The following ABCA13 variants were observed in gnomAD, a reference collection of about 807,000 sequenced individuals.
ABCA13 encodes ATP-binding cassette sub-family A member 13.
ABCA13 carries 476 observed loss-of-function variants against 478.7 expected under a neutral mutation model. That is an observed-to-expected ratio of 0.99 (90% CI 0.92 to 1.07). The LOEUF is 1.07. Ranked by LOEUF, ABCA13 falls within the 50% of genes least tolerant of loss-of-function variation. The pLI, the probability that ABCA13 is intolerant of heterozygous loss-of-function variation, is 0.00. For missense variants in ABCA13, 6,060 were observed against 5,910.6 expected, an observed-to-expected ratio of 1.03 and a Z score of -0.83; for synonymous variants, 2,252 against 2,158.9, an observed-to-expected ratio of 1.04 and a Z score of -1.20.
chr7:48,298,498 G>A lies in ABCA13; in HGVS notation c.9321+11G>A, dbSNP rs778029737. 1.0e-5 allele frequency: 16 copies of A among 1,606,586 alleles called. No homozygotes were observed. The highest frequency in any genetic ancestry group is 1.1e-5 in the Non-Finnish European group (13 of 1,176,998). ...ATTTCCCACTCCAAGGTGTGGTGCT[G>A]TTTCTTGTCTGTCTGTTTTGCTCAT... On this transcript the variant is annotated intron_variant, in intron 23 of 61. Coordinates refer to ENST00000435803, the MANE Select transcript of ABCA13 (RefSeq NM_152701.5).
intron 44 of ABCA13, among the ~76,000 whole-genome samples, chr7:48,469,101 T>G (rs1218405171): frequency 6.6e-6 from 1 of 152,332 alleles, no homozygotes; most frequent in African/African-American, 2.4e-5. Context: ...TTGTTAATGG[T>G]TTAGTACAGA....
rs1017111957 is a variant in ABCA13 at position 48,647,232 on chromosome 7, A to T, written c.*1720A>T. 2.0e-5 allele frequency: 3 copies of T among 152,216 alleles called. No individual in the cohort carries two copies. The highest frequency in any genetic ancestry group is 7.2e-5 in the African/African-American group (3 of 41,468). 9.4% of individuals were successfully genotyped at this position (152,216 alleles called of 1,614,324 possible). A position where few individuals can be genotyped will look rare whatever the true frequency, so the allele number is the denominator to read the frequency against. ...TCCTAAATATCATTCTATACAAAAG[A>T]TATTTTTTAAACGGTAAGGATTAAG... On this transcript the variant is annotated 3_prime_UTR_variant, in exon 62 of 62. Transcript: ENST00000435803.
intron 42 of ABCA13, among the ~76,000 whole-genome samples, chr7:48,450,743 TC>T (rs1824900034): frequency 6.6e-6 from 1 of 152,110 alleles, no homozygotes; most frequent in Non-Finnish European, 1.5e-5. Flanking sequence ...ATATTCCCTC[TC>T]CCACTCATTT....
In ABCA13 at chr7:48,645,732, C is replaced by T; in HGVS notation, c.*220C>T. 1 of 486,748 alleles carries T rather than the reference C, an allele frequency of 2.1e-6. No individual in the cohort carries two copies. 30.2% of individuals were successfully genotyped at this position (486,748 alleles called of 1,614,324 possible). A position where few individuals can be genotyped will look rare whatever the true frequency, so the allele number is the denominator to read the frequency against. On this transcript the variant is annotated 3_prime_UTR_variant, in exon 62 of 62. Coordinates refer to ENST00000435803, the MANE Select transcript of ABCA13 (RefSeq NM_152701.5). The stretch of plus-strand genomic sequence containing the variant: ...AGACTTTTGGGGAGCTCCTCCAAAA[C>T]ATTTGTTCTCTTTACCATGCCAGAT...
intron 28 of ABCA13, among the ~76,000 whole-genome samples, chr7:48,337,245 G>A (rs935057338): frequency 6.6e-6 from 1 of 152,180 alleles, no homozygotes; most frequent in African/African-American, 2.4e-5. Context: ...TCTGAGGAAA[G>A]CCCTAACTTT....
chr7:48,293,200 C>CCCCG (rs1554419753), intron 20 of ABCA13, among the ~76,000 whole-genome samples: 4 of 136,538 alleles, frequency 2.9e-5, no homozygotes, highest in Admixed American at 2.2e-4. Flanking sequence ...CAGCCCCCCC[C>CCCCG]CCGCCACACA....
intron 59 of ABCA13, among the ~76,000 whole-genome samples, chr7:48,640,746 T>G (rs1795047324): frequency 6.6e-6 from 1 of 152,166 alleles, no homozygotes; most frequent in African/African-American, 2.4e-5. Context: ...AATGAAAAAG[T>G]CAAGCTAATA....
At chr7:48,516,652 A>ATC in intron 51 of ABCA13, 73 bp from the exon 52 acceptor site, 1 of 1,472,204 alleles carries the variant, frequency 6.8e-7, no homozygotes, top group Non-Finnish European at 9.4e-7. Context: ...AGGTCTTAGA[A>ATC]TGTATCTGCC....
intron 25 of ABCA13, 99 bp from the exon 26 acceptor site, chr7:48,314,133 T>C: frequency 7.8e-7 from 1 of 1,283,080 alleles, no homozygotes. Flanking sequence ...TTGAATATCT[T>C]GTACATTCAG....
At chr7:48,459,657 G>T (rs1420555910) in intron 43 of ABCA13, among the ~76,000 whole-genome samples, 2 of 152,150 alleles carry the variant, frequency 1.3e-5, no homozygotes, top group African/African-American at 4.8e-5. Context: ...ACTTCCTGGA[G>T]CTTAAGGATC....
In ABCA13 at chr7:48,515,971, C is replaced by T. The variant is rs147199064; in HGVS notation, c.13641-754C>T. Among the ~76,000 whole-genome samples, 626 of 152,218 alleles carry T rather than the reference C, an allele frequency of 4.1e-3. 2 individuals carry two copies. The highest frequency in any genetic ancestry group is 0.015 in the South Asian group (72 of 4,818). On this transcript the variant is annotated intron_variant, in intron 51 of 61. Coordinates refer to ENST00000435803, the MANE Select transcript of ABCA13 (RefSeq NM_152701.5). ...CACAGAGCCGACAAGTTCAGGCCCACGTACAACCCGTGTGTGTGTTGTGAC... is the reference window on the plus strand; with the variant it reads ...CACAGAGCCGACAAGTTCAGGCCCATGTACAACCCGTGTGTGTGTTGTGAC...
chr7:48,461,631 C>T (rs1826250753), intron 43 of ABCA13, among the ~76,000 whole-genome samples: 1 of 151,992 alleles, frequency 6.6e-6, no homozygotes, highest in South Asian at 2.1e-4. Context: ...GGATGTACTT[C>T]ATGGCCCCTC....
intron 41 of ABCA13, among the ~76,000 whole-genome samples, chr7:48,427,444 A>G (rs1821583153): frequency 6.6e-6 from 1 of 152,132 alleles, no homozygotes; most frequent in Non-Finnish European, 1.5e-5. Context: ...TCACAAACTT[A>G]AGTTGAATTG....
Position 48,229,816 on chromosome 7 carries a change from T to C in ABCA13, c.633-9T>C. On this transcript the variant is annotated splice_polypyrimidine_tract_variant and intron_variant, in intron 6 of 61. Transcript: ENST00000435803. Reference sequence around the variant, plus strand: ...ACTCATATTGCTTTTTGTTTTGTTTTGGTTCTAGTTCCTTAATATCCCTAG... The same window carrying C: ...ACTCATATTGCTTTTTGTTTTGTTTCGGTTCTAGTTCCTTAATATCCCTAG... 6.2e-7 allele frequency: 1 copy of C among 1,613,770 alleles called. No homozygotes were observed. The highest frequency in any genetic ancestry group is 8.5e-7 in the Non-Finnish European group (1 of 1,179,820).
chr7:48,195,856 C>G (rs1797857192), intron 2 of ABCA13, among the ~76,000 whole-genome samples: 1 of 152,002 alleles, frequency 6.6e-6, no homozygotes, highest in Non-Finnish European at 1.5e-5. Context: ...GTGACAGGTG[C>G]TGTTGCTGCA....
intron 55 of ABCA13, among the ~76,000 whole-genome samples, chr7:48,555,899 G>A (rs1221825302): frequency 6.6e-6 from 1 of 151,060 alleles, no homozygotes; most frequent in South Asian, 2.1e-4. Context: ...TGATTATTAG[G>A]TTCTTTATTT....
At chr7:48,438,268 AC>A (rs1823110218) in intron 42 of ABCA13, among the ~76,000 whole-genome samples, 7 of 152,070 alleles carry the variant, frequency 4.6e-5, no homozygotes, top group Non-Finnish European at 8.8e-5. Flanking sequence ...GTCAAGTAAA[AC>A]ACCACAGAAT....
At chr7:48,234,797 G>C (rs1036410455) in intron 8 of ABCA13, among the ~76,000 whole-genome samples, 1 of 152,154 alleles carries the variant, frequency 6.6e-6, no homozygotes, top group Non-Finnish European at 1.5e-5. Flanking sequence ...GCGGGACCTG[G>C]AGCTTTGGTC....
chr7:48,391,814 T>C, intron 37 of ABCA13, 107 bp from the exon 38 acceptor site: 1 of 1,037,368 alleles, frequency 9.6e-7, no homozygotes, highest in Non-Finnish European at 1.4e-6. Flanking sequence ...CAGCAGAAGG[T>C]GAGTGCTCTT....
Sources: gnomAD v4.1 joint callset for allele counts (sites outside exome capture counted in the v4.1 genomes callset) on GRCh38, gnomAD v4.1.1 for gene constraint, MANE v1.5 for transcripts, NCBI Gene and HGNC (gene_info 2026-07-23, HGNC 2026-07-21) for gene names.